SPATC1L: variants seen among roughly 807,000 people sequenced by gnomAD.
SPATC1L encodes the protein spermatogenesis and centriole associated 1 like, also known as speriolin-like protein.
A neutral mutation model predicts 21.2 loss-of-function variants in SPATC1L; 20 were observed. The observed-to-expected ratio is 0.94, with a 90% CI of 0.66 to 1.37. The LOEUF (loss-of-function observed/expected upper bound fraction) is 1.37, where lower values mean the gene tolerates loss of function less well. SPATC1L is among the 40% of genes most tolerant of loss of function. SPATC1L has a pLI of 0.00. For synonymous variants in SPATC1L, 290 were observed against 234.5 expected, an observed-to-expected ratio of 1.24 and a Z score of -2.16; for missense variants, 499 against 478.7, an observed-to-expected ratio of 1.04 and a Z score of -0.40.
chr21:46,163,865 T>C (rs2079520646), intron 3 of SPATC1L, among the ~76,000 whole-genome samples: 1 of 152,194 alleles, frequency 6.6e-6, no homozygotes, highest in South Asian at 2.1e-4. Flanking sequence ...TCAATTTCTG[T>C]AAAGAAGCCA....
At chr21:46,163,960 T>TTCTAA (rs1176850072) in intron 3 of SPATC1L, among the ~76,000 whole-genome samples, 1 of 152,334 alleles carries the variant, frequency 6.6e-6, no homozygotes, top group East Asian at 1.9e-4. Context: ...ATATAAAGTC[T>TTCTAA]TCTAATCTGT....
At chr21:46,172,640 C>T (rs997072185) in intron 2 of SPATC1L, among the ~76,000 whole-genome samples, 9 of 152,156 alleles carry the variant, frequency 5.9e-5, no homozygotes, top group East Asian at 5.8e-4. Flanking sequence ...GGCCAAGGCC[C>T]GAGTTCTGAG....
intron 2 of SPATC1L, among the ~76,000 whole-genome samples, chr21:46,178,109 G>C (rs2079645366): frequency 1.3e-5 from 2 of 151,994 alleles, no homozygotes; most frequent in Non-Finnish European, 2.9e-5. Flanking sequence ...GTGCATGCCT[G>C]TAATCCCAGC....
chr21:46,162,206 G>C, intron 3 of SPATC1L, 139 bp from the exon 4 acceptor site: 1 of 1,014,878 alleles, frequency 9.9e-7, no homozygotes, highest in Non-Finnish European at 1.4e-6. Context: ...CTGGCAAATA[G>C]AATCTGAAAG....
Position 46,161,403 on chromosome 21 carries a change from G to C in SPATC1L, c.999C>G (p.Asp333Glu). 1 of 1,531,016 alleles carries C rather than the reference G, an allele frequency of 6.5e-7. No homozygotes were observed. The highest frequency in any genetic ancestry group is 8.8e-7 in the Non-Finnish European group (1 of 1,140,772). The allele number at this position is 1,531,016 out of a possible 1,614,324, so 94.8% of individuals were successfully genotyped here. A position where few individuals can be genotyped will look rare whatever the true frequency, so the allele number is the denominator to read the frequency against. Residue 333 changes from aspartate to glutamate, a missense_variant, in exon 5 of 5, where the codon GAC (aspartate) becomes GAG (glutamate). Coordinates refer to ENST00000291672, the MANE Select transcript of SPATC1L (RefSeq NM_001142854.2). ...LNCLCELSKEDGKPLFAW is the reference protein window; with the variant it reads ...LNCLCELSKEEGKPLFAW The stretch of plus-strand genomic sequence containing the variant: ...CTCACCAGGCGAAGAGGGGCTTGCC[G>C]TCCTCCTTGGAGAGCTCGCACAGGC...
intron 2 of SPATC1L, among the ~76,000 whole-genome samples, chr21:46,169,076 T>C (rs951922265): frequency 1.3e-5 from 2 of 152,290 alleles, no homozygotes; most frequent in Non-Finnish European, 2.9e-5. Context: ...CTGAGCCATC[T>C]GGTAGCTACC....
intron 1 of SPATC1L, among the ~76,000 whole-genome samples, chr21:46,184,037 T>C (rs1399563594): frequency 1.4e-5 from 2 of 144,600 alleles, no homozygotes; most frequent in African/African-American, 4.9e-5. Flanking sequence ...CCCCACATGC[T>C]TTGGAGCACT....
rs1247990232 is a variant in SPATC1L at position 46,168,559 on chromosome 21, C to A, written c.293G>T (p.Ser98Ile). The A allele has an allele frequency of 7.4e-6, 11 of 1,496,064 alleles. No homozygotes were observed. The highest frequency in any genetic ancestry group is 9.9e-6 in the Non-Finnish European group (11 of 1,108,666). 92.7% of individuals were successfully genotyped at this position (1,496,064 alleles called of 1,614,324 possible). Reference protein sequence around the residue: ...DLLCSHAPLSSEDDTSPGCAA... With the variant: ...DLLCSHAPLSIEDDTSPGCAA... ...ACAGCCCGGGGAGGTGTCGTCCTCGCTGGACAGGGGGGCATGTGAGCACAG... is the reference window on the plus strand; with the variant it reads ...ACAGCCCGGGGAGGTGTCGTCCTCGATGGACAGGGGGGCATGTGAGCACAG... The change falls in exon 3 of 5, where the codon AGC becomes ATC. Residue 98 changes from serine to isoleucine, a missense_variant. Physicochemically the swap from Ser to Ile is moderately radical, Grantham distance 142. Coordinates refer to ENST00000291672, the MANE Select transcript of SPATC1L (RefSeq NM_001142854.2).
chr21:46,178,046 C>G (rs2079644791), intron 2 of SPATC1L, among the ~76,000 whole-genome samples: 1 of 151,994 alleles, frequency 6.6e-6, no homozygotes, highest in South Asian at 2.1e-4. Flanking sequence ...CCAGCCTGAC[C>G]AACATGGTGA....
rs56881052 is a variant in SPATC1L, at chr21:46,181,767, C to T, written c.193+857G>A. Among the ~76,000 whole-genome samples the T allele has an allele frequency of 1.2e-4, 19 of 152,314 alleles. No individual in the cohort carries two copies. In the East Asian group the frequency reaches 3.7e-3, roughly 29 times the overall value. The stretch of plus-strand genomic sequence containing the variant: ...CCAGGACCAGGCAGGCTGACCACGT[C>T]CTTTCCGGGCCCGGCCCGGTGGGAA... On this transcript the variant is annotated intron_variant, in intron 2 of 4. Coordinates refer to ENST00000291672, the MANE Select transcript of SPATC1L (RefSeq NM_001142854.2).
At chr21:46,174,530 A>G (rs553140317) in intron 2 of SPATC1L, among the ~76,000 whole-genome samples, 1 of 152,306 alleles carries the variant, frequency 6.6e-6, no homozygotes, top group South Asian at 2.1e-4. Flanking sequence ...CTGACAAAAC[A>G]GATTTTAAAC....
chr21:46,161,726 T>A (rs1411673948), intron 4 of SPATC1L, 21 bp from the exon 5 acceptor site: 3 of 1,492,858 alleles, frequency 2.0e-6, no homozygotes, highest in Non-Finnish European at 2.7e-6. Context: ...AGCGCATGGA[T>A]GGGGGTGGGG....
intron 4 of SPATC1L, 101 bp downstream of exon 4, chr21:46,161,815 C>T: frequency 1.3e-6 from 2 of 1,518,668 alleles, no homozygotes; most frequent in Non-Finnish European, 8.8e-7. Flanking sequence ...GGGGTCCCCT[C>T]CTGCGGACAG....
chr21:46,168,716 G>A (rs2079559955), intron 2 of SPATC1L, 58 bp from the exon 3 acceptor site: 2 of 1,196,208 alleles, frequency 1.7e-6, no homozygotes, highest in Non-Finnish European at 2.2e-6. Context: ...ACATTCCTGG[G>A]AAGTATAAAG....
rs545784940 is a variant in SPATC1L at position 46,166,366 on chromosome 21, C to CAAAAAA, written c.544+1936_544+1941dup. 2.2e-3 allele frequency among the ~76,000 whole-genome samples: 316 copies of CAAAAAA among 141,930 alleles called. 2 individuals are homozygous for CAAAAAA. The highest frequency in any genetic ancestry group is 7.5e-3 in the African/African-American group (291 of 38,856). 93.1% of individuals were successfully genotyped at this position (141,930 alleles called of 152,430 possible). On this transcript the variant is annotated intron_variant, in intron 3 of 4. Transcript: ENST00000291672. ...GGGCATCAAAGTGAGACCCTGTCTCCAAAAAAAAAAATTACAGCACAGTCA... is the reference window on the plus strand; with the variant it reads ...GGGCATCAAAGTGAGACCCTGTCTCCAAAAAAAAAAAAAAAAATTACAGCACAGTCA...
intron 2 of SPATC1L, among the ~76,000 whole-genome samples, chr21:46,179,960 C>T (rs898614858): frequency 2.0e-5 from 3 of 152,264 alleles, no homozygotes; most frequent in African/African-American, 7.2e-5. Context: ...ACGATGCCGG[C>T]GCAGTGCCCT....
rs2079493202 is a variant in SPATC1L, at chr21:46,161,665, TTCCTCTCG to T, written c.729_736del (p.Asp243GlufsTer?). ...GTAGCGCTGCGTCAGCTCGCGCAGC[TTCCTCTCG>T]TCCACGGAGCCGTCCAGAGACTTGG... is the stretch of plus-strand genomic sequence containing the variant. On this transcript the variant is annotated frameshift_variant, in exon 5 of 5. Coordinates refer to ENST00000291672, the MANE Select transcript of SPATC1L (RefSeq NM_001142854.2). LOFTEE classifies it low-confidence loss of function (END_TRUNC). The T allele has an allele frequency of 6.2e-7, 1 of 1,607,846 alleles. No homozygotes were observed. The highest frequency in any genetic ancestry group is 8.5e-7 in the Non-Finnish European group (1 of 1,177,830).
chr21:46,170,471 G>A (rs11702358), intron 2 of SPATC1L, among the ~76,000 whole-genome samples: 68 of 120,176 alleles, frequency 5.7e-4, no homozygotes, highest in South Asian at 1.5e-3. Context: ...CTCTGTGGAT[G>A]GGGAGGAGCC....
In SPATC1L at chr21:46,180,954, C is replaced by T. The variant is rs142103890; in HGVS notation, c.193+1670G>A. On this transcript the variant is annotated intron_variant, in intron 2 of 4. Coordinates refer to ENST00000291672, the MANE Select transcript of SPATC1L (RefSeq NM_001142854.2). ...CAGCCGTGGTCATGGAGACCCCGCCCGGACTCAGCCCCTGACAAGGGTCCC... is the reference window on the plus strand; with the variant it reads ...CAGCCGTGGTCATGGAGACCCCGCCTGGACTCAGCCCCTGACAAGGGTCCC... 7.3e-3 allele frequency among the ~76,000 whole-genome samples: 1,118 copies of T among 152,322 alleles called. 13 individuals are homozygous for T. Among genetic ancestry groups the T allele is most frequent in the African/African-American group, 0.026 (1,066 of 41,570 alleles).
Sources: gnomAD v4.1 joint callset for allele counts (sites outside exome capture counted in the v4.1 genomes callset) on GRCh38, gnomAD v4.1.1 for gene constraint, MANE v1.5 for transcripts, NCBI Gene and HGNC (gene_info 2026-07-23, HGNC 2026-07-21) for gene names.